The following PEX5L variants were observed in gnomAD, a reference collection of about 807,000 sequenced individuals.
PEX5L encodes PEX5-related protein.
A neutral mutation model predicts 84.0 loss-of-function variants in PEX5L; 30 were observed. That is an observed-to-expected ratio of 0.36 (90% CI 0.27 to 0.48). The LOEUF is 0.48. Among genes scored for constraint, PEX5L ranks in the 20% least tolerant of loss-of-function variants. The pLI is 0.99. For missense variants in PEX5L, 533 were observed against 754.6 expected (o/e 0.71, Z 3.44); for synonymous variants, 270 against 283.1 (o/e 0.95, Z 0.46).
chr3:180,020,903 C>A (rs1790366221), intron 1 of PEX5L, among the ~76,000 whole-genome samples: 2 of 152,112 alleles, frequency 1.3e-5, no homozygotes, highest in African/African-American at 4.8e-5. Context: ...TTCAACAATT[C>A]TTTATTTAAT....
Position 179,900,259 on chromosome 3 carries a change from T to C in PEX5L, c.94-2013A>G, listed in dbSNP as rs574575603. Among the ~76,000 whole-genome samples the C allele has an allele frequency of 7.2e-5, 11 of 152,276 alleles. No individual in the cohort carries two copies. In the East Asian group the frequency reaches 2.1e-3, roughly 29 times the overall value. On this transcript the variant is annotated intron_variant, in intron 2 of 14. Coordinates refer to ENST00000467460, the MANE Select transcript of PEX5L (RefSeq NM_016559.3). The stretch of plus-strand genomic sequence containing the variant: ...TCCATGCTTCAGTAAGTTCTAGTAA[T>C]ATAGCAATAAACAAAGTGGCATGCT...
chr3:179,861,973 A>G (rs1333022420), intron 7 of PEX5L, among the ~76,000 whole-genome samples: 1 of 152,196 alleles, frequency 6.6e-6, no homozygotes, highest in African/African-American at 2.4e-5. Context: ...ACAAATATAA[A>G]CTACCACAAA....
intron 8 of PEX5L, among the ~76,000 whole-genome samples, chr3:179,846,414 C>T (rs1739373525): frequency 6.6e-6 from 1 of 152,168 alleles, no homozygotes; most frequent in Admixed American, 6.5e-5. Context: ...CCCTACTGTG[C>T]CATTCAACAC....
chr3:180,011,505 T>C (rs1789481023), intron 1 of PEX5L, among the ~76,000 whole-genome samples: 1 of 152,182 alleles, frequency 6.6e-6, no homozygotes, highest in Non-Finnish European at 1.5e-5. Context: ...CATTCAGAAG[T>C]TGCCAAGCAT....
At chr3:179,811,979 CAT>C in intron 10 of PEX5L, 108 bp from the exon 11 acceptor site, 1 of 826,422 alleles carries the variant, frequency 1.2e-6, no homozygotes. Context: ...CAAGCTGTCT[CAT>C]ATGTGAGCGC....
At chr3:179,923,016 A>G (rs1010018875) in intron 2 of PEX5L, among the ~76,000 whole-genome samples, 26 of 151,876 alleles carry the variant, frequency 1.7e-4, no homozygotes, top group East Asian at 1.2e-3. Flanking sequence ...TGGGCCAGGC[A>G]CAGTGGCTCA....
At chr3:180,026,021 G>A (rs1242560825) in intron 1 of PEX5L, among the ~76,000 whole-genome samples, 1 of 152,124 alleles carries the variant, frequency 6.6e-6, no homozygotes, top group Non-Finnish European at 1.5e-5. Flanking sequence ...GTTTGAACTT[G>A]GGGCTGTTAT....
intron 6 of PEX5L, 136 bp from the exon 7 acceptor site, chr3:179,874,559 TAA>T (rs1310992096): frequency 1.1e-5 from 6 of 545,674 alleles, no homozygotes; most frequent in Non-Finnish European, 1.6e-5. Flanking sequence ...ATGATAGAGA[TAA>T]GTTTCATGTA....
At chr3:179,802,876 C>A (rs1236521140) in intron 14 of PEX5L, among the ~76,000 whole-genome samples, 2 of 137,314 alleles carry the variant, frequency 1.5e-5, no homozygotes, top group African/African-American at 2.8e-5. Context: ...TTTTTTTTTT[C>A]CAAGGATTAC....
At chr3:179,918,640 G>GT (rs1043501590) in intron 2 of PEX5L, among the ~76,000 whole-genome samples, 7 of 152,224 alleles carry the variant, frequency 4.6e-5, no homozygotes, top group African/African-American at 1.7e-4. Context: ...GTTCTTATCT[G>GT]TTAAAATGGG....
chr3:179,975,205 T>G (rs1263572941), intron 1 of PEX5L, among the ~76,000 whole-genome samples: 2 of 151,586 alleles, frequency 1.3e-5, no homozygotes, highest in Admixed American at 1.3e-4. Flanking sequence ...AAAGAAAAAT[T>G]AAAAAAAGAA....
chr3:179,797,993 CACAG>C lies in PEX5L; in HGVS notation c.*3831_*3834del, dbSNP rs996746455. 5 of 152,098 alleles carry C rather than the reference CACAG, an allele frequency of 3.3e-5. No homozygotes were observed. Among genetic ancestry groups the C allele is most frequent in the South Asian group, 2.1e-4 (1 of 4,824 alleles). 9.4% of individuals were successfully genotyped at this position (152,098 alleles called of 1,614,324 possible). On this transcript the variant is annotated 3_prime_UTR_variant, in exon 15 of 15. Transcript: ENST00000467460. ...CTTGCTTTCTCTGTATTCCCAAGCT[CACAG>C]ACAAAGTTTATGATAAAGAGTTTGG...
intron 8 of PEX5L, among the ~76,000 whole-genome samples, chr3:179,825,048 T>C (rs1417698114): frequency 6.6e-6 from 1 of 152,220 alleles, no homozygotes; most frequent in African/African-American, 2.4e-5. Flanking sequence ...CAGAATTAGT[T>C]TGAGCTCTTA....
At chr3:179,935,788 C>T (rs1014165879) in intron 2 of PEX5L, among the ~76,000 whole-genome samples, 1 of 152,200 alleles carries the variant, frequency 6.6e-6, no homozygotes, top group African/African-American at 2.4e-5. Flanking sequence ...GGGGCCTCCA[C>T]CATCATGGGG....
chr3:179,819,863 C>T lies in PEX5L; in HGVS notation c.936G>A (p.Glu312=), dbSNP rs746192337. The T allele has an allele frequency of 1.2e-6, 2 of 1,613,990 alleles. No individual in the cohort carries two copies. The highest frequency in any genetic ancestry group is 1.7e-6 in the Non-Finnish European group (2 of 1,179,902). Residue 312 remains glutamate, a synonymous_variant, in exon 9 of 15, where the codon GAG becomes GAA. Transcript: ENST00000467460. ...GTATAGGAACAGAATTGGTTACCTT[C>T]TCACTAGCCGAGATGGTTACTTGGT... The part of the protein sequence containing the change: ...AQNQVTISAS[E]KGYYFHTENP...
chr3:179,962,154 A>G (rs571729717), intron 2 of PEX5L, among the ~76,000 whole-genome samples: 11 of 152,362 alleles, frequency 7.2e-5, no homozygotes, highest in Admixed American at 3.3e-4. Context: ...ATAAAAATCT[A>G]TCAGACAAAT....
intron 1 of PEX5L, among the ~76,000 whole-genome samples, chr3:180,001,056 C>A (rs973997738): frequency 1.3e-5 from 2 of 152,044 alleles, no homozygotes; most frequent in Non-Finnish European, 2.9e-5. Context: ...GGCAGACCCA[C>A]CCTTAATCTG....
intron 1 of PEX5L, among the ~76,000 whole-genome samples, chr3:180,019,976 A>T (rs1790287613): frequency 1.3e-5 from 2 of 152,220 alleles, no homozygotes; most frequent in African/African-American, 4.8e-5. Flanking sequence ...GAATTAATGT[A>T]CACTTCAATT....
chr3:180,015,605 G>A (rs919402302), intron 1 of PEX5L, among the ~76,000 whole-genome samples: 1 of 151,938 alleles, frequency 6.6e-6, no homozygotes, highest in African/African-American at 2.4e-5. Flanking sequence ...GTTCCTTAGT[G>A]TTTTCATGGA....
Sources: gnomAD v4.1 joint callset for allele counts (sites outside exome capture counted in the v4.1 genomes callset) on GRCh38, gnomAD v4.1.1 for gene constraint, MANE v1.5 for transcripts, NCBI Gene and HGNC (gene_info 2026-07-23, HGNC 2026-07-21) for gene names.